The following SLC7A6 variants were observed in gnomAD, a reference collection of about 807,000 sequenced individuals.
SLC7A6 encodes the protein solute carrier family 7 member 6, also known as Y+L amino acid transporter 2.
SLC7A6 carries 29 observed loss-of-function variants against 46.6 expected under a neutral mutation model. That is an observed-to-expected ratio of 0.62 (90% CI 0.46 to 0.85). The LOEUF is 0.85. SLC7A6 is among the 40% of genes least tolerant of loss of function. The pLI is 0.00. For synonymous variants in SLC7A6, 276 were observed against 257.3 expected (o/e 1.07, Z -0.70); for missense variants, 527 against 647.6 (o/e 0.81, Z 2.02).
chr16:68,270,291 C>G (rs1416798011), intron 2 of SLC7A6, among the ~76,000 whole-genome samples: 1 of 152,030 alleles, frequency 6.6e-6, no homozygotes, highest in Non-Finnish European at 1.5e-5. Context: ...AGAAAGACAC[C>G]TCCGGTGGTC....
chr16:68,267,452 C>T (rs1384753723), intron 2 of SLC7A6, among the ~76,000 whole-genome samples: 8 of 151,880 alleles, frequency 5.3e-5, no homozygotes, highest in Non-Finnish European at 4.4e-5. Flanking sequence ...TGACCTCAGG[C>T]GATCCACCCG....
intron 3 of SLC7A6, among the ~76,000 whole-genome samples, chr16:68,286,394 G>C (rs1038193641): frequency 1.3e-5 from 2 of 152,120 alleles, no homozygotes; most frequent in Non-Finnish European, 2.9e-5. Context: ...GTTGGCTATG[G>C]CAGGAAGAGG....
In SLC7A6 at chr16:68,287,795, G is replaced by A; in HGVS notation, c.573G>A (p.Val191=). 6.2e-7 allele frequency: 1 copy of A among 1,614,242 alleles called. No individual in the cohort carries two copies. The highest frequency in any genetic ancestry group is 8.5e-7 in the Non-Finnish European group (1 of 1,180,034). The change falls in exon 4 of 11, where the codon GTG becomes GTA. Residue 191 remains valine, a synonymous_variant. Transcript: ENST00000219343. ...NCAYVKWGTR[V]QDTFTYAKVV... is the part of the protein sequence containing the mutation. ...CCTATGTCAAGTGGGGCACACGTGT[G>A]CAGGACACGTTCACTTACGCCAAGG...
At chr16:68,272,534 C>T (rs968902852) in intron 2 of SLC7A6, among the ~76,000 whole-genome samples, 2 of 152,164 alleles carry the variant, frequency 1.3e-5, no homozygotes, top group African/African-American at 4.8e-5. Context: ...CTTAACCTTC[C>T]AGCAGGAACT....
At chr16:68,292,741 T>G (rs1038005322) in intron 7 of SLC7A6, 1 of 152,218 alleles carries the variant, frequency 6.6e-6, no homozygotes, top group African/African-American at 2.4e-5. Context: ...GAGTTTGGCT[T>G]CTACTACCTG....
intron 3 of SLC7A6, among the ~76,000 whole-genome samples, chr16:68,277,022 T>G (rs1259861682): frequency 1.3e-5 from 2 of 151,052 alleles, no homozygotes; most frequent in East Asian, 3.9e-4. Flanking sequence ...AAAAAAAACC[T>G]CACAAAGCAT....
intron 7 of SLC7A6, among the ~76,000 whole-genome samples, chr16:68,292,994 C>T (rs1382644986): frequency 1.3e-5 from 2 of 152,196 alleles, no homozygotes; most frequent in Admixed American, 6.5e-5. Context: ...CATGTGAACA[C>T]ACAGAAGCAT....
chr16:68,293,294 C>T (rs538576354), intron 7 of SLC7A6, among the ~76,000 whole-genome samples: 2 of 152,228 alleles, frequency 1.3e-5, no homozygotes, highest in South Asian at 4.1e-4. Context: ...CATGGTGGCA[C>T]GTGCTTGTAG....
chr16:68,277,877 C>T (rs1377745226), intron 3 of SLC7A6, among the ~76,000 whole-genome samples: 4 of 151,900 alleles, frequency 2.6e-5, no homozygotes, highest in African/African-American at 7.3e-5. Flanking sequence ...TCTGCCCACC[C>T]GGCCTCCCAA....
chr16:68,285,810 C>T (rs1044015910), intron 3 of SLC7A6, among the ~76,000 whole-genome samples: 4 of 151,960 alleles, frequency 2.6e-5, no homozygotes, highest in Non-Finnish European at 4.4e-5. Context: ...AAGAAAACAA[C>T]GTGGCCAGGC....
At chr16:68,277,680 T>C (rs1453307120) in intron 3 of SLC7A6, among the ~76,000 whole-genome samples, 6 of 151,858 alleles carry the variant, frequency 4.0e-5, no homozygotes, top group Non-Finnish European at 8.8e-5. Flanking sequence ...CAGGCTAGAG[T>C]GCAATGGCAT....
Position 68,298,777 on chromosome 16 carries a change from T to C in SLC7A6, c.*1449T>C, listed in dbSNP as rs1359322682. The C allele has an allele frequency of 6.6e-6, 1 of 152,266 alleles. No individual in the cohort carries two copies. The highest frequency in any genetic ancestry group is 1.5e-5 in the Non-Finnish European group (1 of 68,072). The allele number at this position is 152,266 out of a possible 1,614,324, so 9.4% of individuals were successfully genotyped here. A position where few individuals can be genotyped will look rare whatever the true frequency, so the allele number is the denominator to read the frequency against. Reference sequence around the variant, plus strand: ...CCTGCTCTGGCCTAATGGATCTTACTGTATGAGCAGGACGGCTGCATTGGA... The same window carrying C: ...CCTGCTCTGGCCTAATGGATCTTACCGTATGAGCAGGACGGCTGCATTGGA... On this transcript the variant is annotated 3_prime_UTR_variant, in exon 11 of 11. Transcript: ENST00000219343.
intron 3 of SLC7A6, among the ~76,000 whole-genome samples, chr16:68,286,442 G>A (rs1479712561): frequency 2.0e-5 from 3 of 152,178 alleles, no homozygotes; most frequent in East Asian, 3.8e-4. Context: ...TGTACGGTAC[G>A]AGTAAGAGAG....
At chr16:68,272,408 G>A (rs1247130310) in intron 2 of SLC7A6, among the ~76,000 whole-genome samples, 1 of 152,190 alleles carries the variant, frequency 6.6e-6, no homozygotes, top group Non-Finnish European at 1.5e-5. Context: ...CAGCCTGGGT[G>A]ACAAAGTGAG....
rs142733337 is a variant in SLC7A6 at position 68,298,848 on chromosome 16, C to G, written c.*1520C>G. 6.6e-6 allele frequency: 1 copy of G among 152,564 alleles called. No individual in the cohort carries two copies. Among genetic ancestry groups the G allele is most frequent in the African/African-American group, 2.4e-5 (1 of 41,410 alleles). 9.5% of individuals were successfully genotyped at this position (152,564 alleles called of 1,614,324 possible). A position where few individuals can be genotyped will look rare whatever the true frequency, so the allele number is the denominator to read the frequency against. On this transcript the variant is annotated 3_prime_UTR_variant, in exon 11 of 11. Transcript: ENST00000219343. ...GCCCCCAGACACTGTCATCCTGGGC[C>G]GAGAAGAACCTGCTAGCTTGACATA...
chr16:68,293,081 T>G (rs941080052), intron 7 of SLC7A6, among the ~76,000 whole-genome samples: 7 of 152,164 alleles, frequency 4.6e-5, no homozygotes, highest in Non-Finnish European at 5.9e-5. Context: ...TGTGCCTCCC[T>G]GGGGCAAGCA....
chr16:68,284,859 CTTTTTTT>C (rs71384525), intron 3 of SLC7A6, among the ~76,000 whole-genome samples: 2 of 95,646 alleles, frequency 2.1e-5, no homozygotes, highest in African/African-American at 4.6e-5. Context: ...ATTTTCTCGT[CTTTTTTT>C]TTTTTTTTTT....
At chr16:68,287,140 G>A (rs778798647) in intron 3 of SLC7A6, among the ~76,000 whole-genome samples, 3 of 151,904 alleles carry the variant, frequency 2.0e-5, no homozygotes, top group Non-Finnish European at 4.4e-5. Context: ...ACCACGCCCA[G>A]CTAATTTTTG....
At chr16:68,273,156 G>A (rs1189083559) in intron 2 of SLC7A6, 1 of 152,168 alleles carries the variant, frequency 6.6e-6, no homozygotes, top group East Asian at 1.9e-4. Flanking sequence ...GGGAAGGCAG[G>A]AGTTTTGGGT....
Sources: gnomAD v4.1 joint callset for allele counts (sites outside exome capture counted in the v4.1 genomes callset) on GRCh38, gnomAD v4.1.1 for gene constraint, MANE v1.5 for transcripts, NCBI Gene and HGNC (gene_info 2026-07-23, HGNC 2026-07-21) for gene names.